Variants in PLEK observed in about 807,000 individuals in gnomAD.
PLEK encodes the protein pleckstrin.
In PLEK, 25 loss-of-function variants were observed where a neutral mutation model predicts 43.9. The observed-to-expected ratio is 0.57, with a 90% CI of 0.41 to 0.79. The LOEUF (loss-of-function observed/expected upper bound fraction) is 0.79. Ranked by LOEUF, PLEK falls within the 30% of genes least tolerant of loss-of-function variation. PLEK has a pLI of 0.00. For missense variants in PLEK, 396 were observed against 413.3 expected, an observed-to-expected ratio of 0.96 and a Z score of 0.36; for synonymous variants, 152 against 144.4, an observed-to-expected ratio of 1.05 and a Z score of -0.38.
In PLEK at chr2:68,388,444, G is replaced by A; in HGVS notation, c.715G>A (p.Glu239Lys). Reference protein sequence around the residue: ...NSSDDDVILKEEFRGVIIKQG... With the variant: ...NSSDDDVILKKEFRGVIIKQG... ...CAGTGATGATGATGTGATTCTGAAA[G>A]AAGAATTCAGAGGGGTCATTATCAA... Residue 239 changes from glutamate (E) to lysine (K), a missense_variant, in exon 6 of 9, where the codon GAA becomes AAA. Physicochemically the swap from Glu to Lys is moderately conservative, Grantham distance 56. Coordinates refer to ENST00000234313, the MANE Select transcript of PLEK (RefSeq NM_002664.3). 1.2e-6 allele frequency: 2 copies of A among 1,611,182 alleles called. No homozygotes were observed. The highest frequency in any genetic ancestry group is 2.2e-5 in the South Asian group (2 of 91,030).
chr2:68,380,628 G>T, intron 2 of PLEK, 95 bp from the exon 3 acceptor site: 1 of 1,450,004 alleles, frequency 6.9e-7, no homozygotes, highest in Non-Finnish European at 9.4e-7. Context: ...GGTTTCTCTT[G>T]GCTAGAAGAG....
At chr2:68,387,100 G>A (rs146174820) in intron 5 of PLEK, among the ~76,000 whole-genome samples, 2,389 of 152,204 alleles carry the variant, frequency 0.016, 31 homozygotes, top group Non-Finnish European at 0.025. Context: ...CCGCCTCCCG[G>A]GTTCAAGCGA....
intron 1 of PLEK, 65 bp downstream of exon 1, chr2:68,365,458 C>G: frequency 8.6e-7 from 1 of 1,168,902 alleles, no homozygotes; most frequent in African/African-American, 1.5e-5. Context: ...GGGTTCAGCT[C>G]CACCGGCTAC....
At chr2:68,386,839 G>T (rs1446947268) in intron 5 of PLEK, among the ~76,000 whole-genome samples, 153 bp downstream of exon 5, 1 of 152,050 alleles carries the variant, frequency 6.6e-6, no homozygotes, top group Non-Finnish European at 1.5e-5. Flanking sequence ...AAGCTCCCAG[G>T]CCCATTTAGA....
At position 68,392,174 on chromosome 2, in the gene PLEK, C is replaced by CCTTCTT. The variant is rs376729611; in HGVS notation, c.763-975_763-970dup. Reference sequence around the variant, plus strand: ...TTCCTCCCCCTTTTCTCCTCCTCCTCCTTCTTCTTCTTCTTCTTTCTCCTC... The same window carrying CCTTCTT: ...TTCCTCCCCCTTTTCTCCTCCTCCTCCTTCTTCTTCTTCTTCTTCTTCTTTCTCCTC... On this transcript the variant is annotated intron_variant, in intron 6 of 8. Coordinates refer to ENST00000234313, the MANE Select transcript of PLEK (RefSeq NM_002664.3). Among the ~76,000 whole-genome samples, 719 of 149,500 alleles carry CCTTCTT rather than the reference C, an allele frequency of 4.8e-3. 1 individual carries two copies. The highest frequency in any genetic ancestry group is 8.6e-3 in the Non-Finnish European group (584 of 67,578).
rs1673955186 is a variant in PLEK at position 68,395,947 on chromosome 2, C to G, written c.*131C>G. On this transcript the variant is annotated 3_prime_UTR_variant, in exon 9 of 9. Transcript: ENST00000234313. ...GGGAAGTTTTCATTTGCAGGGGGGT[C>G]TGAATGTAACTCACCATGTGGTGTG... is the stretch of plus-strand genomic sequence containing the variant. 1.4e-6 allele frequency: 1 copy of G among 735,926 alleles called. No individual in the cohort carries two copies. The highest frequency in any genetic ancestry group is 1.8e-5 in the African/African-American group (1 of 56,506). The allele number at this position is 735,926 out of a possible 1,614,324, so 45.6% of individuals were successfully genotyped here.
chr2:68,382,943 G>T (rs1437808742), intron 4 of PLEK, among the ~76,000 whole-genome samples: 5 of 152,170 alleles, frequency 3.3e-5, no homozygotes, highest in Admixed American at 2.6e-4. Flanking sequence ...CACAGAATTG[G>T]ATAAGATGCA....
chr2:68,372,283 C>T (rs1673424185), intron 1 of PLEK, among the ~76,000 whole-genome samples: 1 of 151,644 alleles, frequency 6.6e-6, no homozygotes, highest in African/African-American at 2.4e-5. Context: ...AAGTGATTCT[C>T]CTGCCTCAGC....
chr2:68,380,984 T>G (rs1673602565), intron 3 of PLEK, 80 bp downstream of exon 3: 1 of 1,226,286 alleles, frequency 8.2e-7, no homozygotes, highest in Middle Eastern at 1.9e-4. Context: ...AAGGCTTGCT[T>G]TGACCACCTC....
At position 68,393,143 on chromosome 2, in the gene PLEK, A is replaced by G. The variant is rs755428989; in HGVS notation, c.763-19A>G. 6.7e-7 allele frequency: 1 copy of G among 1,495,300 alleles called. No homozygotes were observed. Among genetic ancestry groups the G allele is most frequent in the Non-Finnish European group, 9.3e-7 (1 of 1,071,676 alleles). 92.6% of individuals were successfully genotyped at this position (1,495,300 alleles called of 1,614,324 possible). A position where few individuals can be genotyped will look rare whatever the true frequency, so the allele number is the denominator to read the frequency against. The stretch of plus-strand genomic sequence containing the variant: ...TGGGAATTCACCATCCCTTCTTTTA[A>G]TGTTGATCCTGGATACAGGGGCATA... On this transcript the variant is annotated intron_variant, in intron 6 of 8. Coordinates refer to ENST00000234313, the MANE Select transcript of PLEK (RefSeq NM_002664.3).
chr2:68,367,184 C>T (rs1262474203), intron 1 of PLEK, among the ~76,000 whole-genome samples: 1 of 151,954 alleles, frequency 6.6e-6, no homozygotes, highest in African/African-American at 2.4e-5. Context: ...TTACAAGTTA[C>T]ATCTTCCATA....
At chr2:68,369,244 T>G (rs1673343685) in intron 1 of PLEK, among the ~76,000 whole-genome samples, 1 of 152,204 alleles carries the variant, frequency 6.6e-6, no homozygotes, top group African/African-American at 2.4e-5. Context: ...ATAAGGAGAT[T>G]GAAGTACAGA....
rs1266420246 is a variant in PLEK at position 68,396,842 on chromosome 2, T to G, written c.*1026T>G. 6.6e-6 allele frequency: 1 copy of G among 152,266 alleles called. No individual in the cohort carries two copies. The highest frequency in any genetic ancestry group is 1.5e-5 in the Non-Finnish European group (1 of 68,080). The allele number at this position is 152,266 out of a possible 1,614,324, so 9.4% of individuals were successfully genotyped here. A position where few individuals can be genotyped will look rare whatever the true frequency, so the allele number is the denominator to read the frequency against. ...CTGGCCAGCTCACTGGATGATGGGT[T>G]AATACAACAACTGCACTGTAAGGAC... On this transcript the variant is annotated 3_prime_UTR_variant, in exon 9 of 9. Coordinates refer to ENST00000234313, the MANE Select transcript of PLEK (RefSeq NM_002664.3).
At chr2:68,376,149 G>A (rs1382580280) in intron 1 of PLEK, among the ~76,000 whole-genome samples, 1 of 152,160 alleles carries the variant, frequency 6.6e-6, no homozygotes. Flanking sequence ...AGACACGGCT[G>A]TTGGATCACA....
chr2:68,388,580 G>A lies in PLEK; in HGVS notation c.762+89G>A, dbSNP rs1056667190. On this transcript the variant is annotated intron_variant, in intron 6 of 8. Coordinates refer to ENST00000234313, the MANE Select transcript of PLEK (RefSeq NM_002664.3). Reference sequence around the variant, plus strand: ...TTACCCAGTGACTTTTGGTTTGTTTGGTTAATAGTCAAGCAGAAAATGAAA... The same window carrying A: ...TTACCCAGTGACTTTTGGTTTGTTTAGTTAATAGTCAAGCAGAAAATGAAA... 3 of 696,460 alleles carry A rather than the reference G, an allele frequency of 4.3e-6. No homozygotes were observed. In the African/African-American group the frequency reaches 5.3e-5, roughly 12 times the overall value. The allele number at this position is 696,460 out of a possible 1,614,324, so 43.1% of individuals were successfully genotyped here. A position where few individuals can be genotyped will look rare whatever the true frequency, so the allele number is the denominator to read the frequency against.
At chr2:68,383,919 C>G (rs1364449877) in intron 4 of PLEK, among the ~76,000 whole-genome samples, 5 of 152,146 alleles carry the variant, frequency 3.3e-5, no homozygotes, top group African/African-American at 1.2e-4. Context: ...CAGCATCAGA[C>G]AAGGCAGGGC....
At chr2:68,388,241 T>C (rs770015243) in intron 5 of PLEK, 146 bp from the exon 6 acceptor site, 2 of 577,018 alleles carry the variant, frequency 3.5e-6, no homozygotes, top group South Asian at 2.2e-5. Context: ...TCAAGGACCT[T>C]TGAAGTTCAG....
At chr2:68,382,371 C>T (rs1386561898) in intron 3 of PLEK, among the ~76,000 whole-genome samples, 171 bp from the exon 4 acceptor site, 4 of 152,206 alleles carry the variant, frequency 2.6e-5, no homozygotes, top group Non-Finnish European at 4.4e-5. Flanking sequence ...ATGAATGTTG[C>T]CCCTCCACTA....
At chr2:68,373,134 A>C (rs549392672) in intron 1 of PLEK, among the ~76,000 whole-genome samples, 1 of 152,230 alleles carries the variant, frequency 6.6e-6, no homozygotes, top group Admixed American at 6.5e-5. Flanking sequence ...AAAATTTAGG[A>C]ATGGTCAAGG....
Sources: gnomAD v4.1 joint callset for allele counts (sites outside exome capture counted in the v4.1 genomes callset) on GRCh38, gnomAD v4.1.1 for gene constraint, MANE v1.5 for transcripts, NCBI Gene and HGNC (gene_info 2026-07-23, HGNC 2026-07-21) for gene names.